The following SHISA9 variants were observed in gnomAD, a reference collection of about 807,000 sequenced individuals.
SHISA9 encodes protein shisa-9.
A neutral mutation model predicts 38.0 loss-of-function variants in SHISA9; 13 were observed. The observed-to-expected ratio is 0.34, with a 90% CI of 0.22 to 0.54. SHISA9 has a LOEUF of 0.54. SHISA9 is among the 20% of genes least tolerant of loss of function. The pLI is 0.91. For synonymous variants in SHISA9, 275 were observed against 242.0 expected (o/e 1.14, Z -1.27); for missense variants, 538 against 575.8 (o/e 0.93, Z 0.67).
the SHISA9 span, among the ~76,000 whole-genome samples, chr16:13,447,054 G>T: frequency 6.6e-6 from 1 of 151,438 alleles, no homozygotes; most frequent in South Asian, 2.1e-4. Context: ...AAGAGAGAGA[G>T]AGAAAGAAAG....
chr16:13,445,713 A>G, the SHISA9 span, among the ~76,000 whole-genome samples: 1 of 152,190 alleles, frequency 6.6e-6, no homozygotes, highest in African/African-American at 2.4e-5. Context: ...TAATCTAGGG[A>G]CAATATACTG....
At chr16:13,342,444 T>C in the SHISA9 span, among the ~76,000 whole-genome samples, 2 of 152,114 alleles carry the variant, frequency 1.3e-5, no homozygotes, top group African/African-American at 4.8e-5. Flanking sequence ...TGTGCCACCA[T>C]GTCCAGCTAA....
At chr16:13,077,512 T>C (rs924071963) in intron 2 of SHISA9, among the ~76,000 whole-genome samples, 2 of 152,172 alleles carry the variant, frequency 1.3e-5, no homozygotes, top group African/African-American at 4.8e-5. Flanking sequence ...CTTTTTAGTA[T>C]AAAAATGACC....
At chr16:13,344,520 T>C in the SHISA9 span, among the ~76,000 whole-genome samples, 1 of 152,084 alleles carries the variant, frequency 6.6e-6, no homozygotes, top group African/African-American at 2.4e-5. Context: ...TTTCTAAAGA[T>C]CAGATCCTTG....
the SHISA9 span, among the ~76,000 whole-genome samples, chr16:13,551,760 G>A: frequency 6.6e-6 from 1 of 152,190 alleles, no homozygotes; most frequent in South Asian, 2.1e-4. Flanking sequence ...CGGGAGCGGT[G>A]GCTCATGCCT....
chr16:13,170,133 G>A (rs149509190), intron 2 of SHISA9, among the ~76,000 whole-genome samples: 1 of 151,288 alleles, frequency 6.6e-6, no homozygotes, highest in African/African-American at 2.4e-5. Context: ...AACCTGGGAG[G>A]TGGAGGTTGC....
chr16:13,189,515 T>C (rs540160654), intron 2 of SHISA9, among the ~76,000 whole-genome samples: 9 of 152,368 alleles, frequency 5.9e-5, no homozygotes, highest in South Asian at 4.1e-4. Context: ...AGAATTGTTA[T>C]ACTTAGAGAT....
At chr16:13,081,209 T>C (rs1426828863) in intron 2 of SHISA9, among the ~76,000 whole-genome samples, 5 of 152,208 alleles carry the variant, frequency 3.3e-5, no homozygotes, top group Non-Finnish European at 7.3e-5. Context: ...GGATAGAAAA[T>C]GTGTTTTCCA....
intron 2 of SHISA9, among the ~76,000 whole-genome samples, chr16:13,088,378 G>A (rs138813762): frequency 0.019 from 2,884 of 152,222 alleles, 79 homozygotes; most frequent in African/African-American, 0.065. Flanking sequence ...GATGGGGACG[G>A]CATTTAATCT....
intron 2 of SHISA9, among the ~76,000 whole-genome samples, chr16:13,047,546 G>T (rs1439315278): frequency 6.6e-6 from 1 of 152,108 alleles, no homozygotes; most frequent in Admixed American, 6.6e-5. Context: ...CAGGACCTGG[G>T]GATTGTCTTT....
chr16:13,271,234 G>T, the SHISA9 span, among the ~76,000 whole-genome samples: 2 of 152,336 alleles, frequency 1.3e-5, no homozygotes, highest in South Asian at 4.1e-4. Flanking sequence ...TGTAACATCA[G>T]TGTAGAGAGA....
chr16:12,924,337 T>C (rs956941492), intron 2 of SHISA9, among the ~76,000 whole-genome samples: 16 of 152,216 alleles, frequency 1.1e-4, no homozygotes, highest in African/African-American at 3.9e-4. Context: ...AATAAATAGT[T>C]ATTGAATGAA....
At chr16:13,170,681 G>T (rs1019169683) in intron 2 of SHISA9, among the ~76,000 whole-genome samples, 9 of 152,126 alleles carry the variant, frequency 5.9e-5, no homozygotes. Context: ...TTTTGAGATG[G>T]AGTCTTGCTC....
At chr16:13,103,368 G>C (rs1456074102) in intron 2 of SHISA9, among the ~76,000 whole-genome samples, 1 of 152,198 alleles carries the variant, frequency 6.6e-6, no homozygotes, top group East Asian at 1.9e-4. Context: ...GTTATACATA[G>C]AGGGAAATGA....
chr16:13,096,402 G>A lies in SHISA9; in HGVS notation c.692-106992G>A, dbSNP rs11860414. Among the ~76,000 whole-genome samples the A allele has an allele frequency of 8.6e-3, 1,250 of 146,136 alleles. 15 individuals carry two copies. The highest frequency in any genetic ancestry group is 0.028 in the African/African-American group (1,125 of 40,260). On this transcript the variant is annotated intron_variant, in intron 2 of 4. Transcript: ENST00000558583. ...TATAGATTAGTGGGGAAGCCAAGTG[G>A]TTAAAGCAATAATCATTTACCATGT...
At chr16:13,426,232 A>G in the SHISA9 span, among the ~76,000 whole-genome samples, 9 of 152,184 alleles carry the variant, frequency 5.9e-5, no homozygotes, top group African/African-American at 1.9e-4. Flanking sequence ...GAAGTGTTTT[A>G]TATGTGTTAT....
the SHISA9 span, among the ~76,000 whole-genome samples, chr16:13,534,587 T>G: frequency 6.6e-6 from 1 of 152,150 alleles, no homozygotes; most frequent in Non-Finnish European, 1.5e-5. Context: ...AATTATTAAT[T>G]TTCAACCCTC....
chr16:13,540,652 T>C, the SHISA9 span, among the ~76,000 whole-genome samples: 1 of 152,218 alleles, frequency 6.6e-6, no homozygotes, highest in Non-Finnish European at 1.5e-5. Flanking sequence ...TAGGATTTTC[T>C]TCGGAAACCA....
intron 2 of SHISA9, among the ~76,000 whole-genome samples, chr16:12,951,428 C>G (rs2071755781): frequency 6.6e-6 from 1 of 152,074 alleles, no homozygotes; most frequent in Admixed American, 6.6e-5. Flanking sequence ...GTTGTAGTGA[C>G]TCCACTCTGC....
Sources: allele counts gnomAD v4.1 joint callset (sites outside exome capture counted in the v4.1 genomes callset), GRCh38; gene constraint gnomAD v4.1.1; transcripts MANE v1.5; gene names NCBI Gene and HGNC (gene_info 2026-07-23, HGNC 2026-07-21).